Variants in MYO16 observed in about 807,000 individuals in gnomAD.
MYO16 encodes myosin XVI.
Under a neutral mutation model 205.3 loss-of-function variants are expected in MYO16, and 94 were observed. That is an observed-to-expected ratio of 0.46 (90% confidence interval 0.39 to 0.54). The LOEUF (loss-of-function observed/expected upper bound fraction) is 0.54. Among genes scored for constraint, MYO16 ranks in the 20% least tolerant of loss-of-function variants. The pLI is 0.00. For synonymous variants in MYO16, 988 were observed against 954.0 expected, an observed-to-expected ratio of 1.04 and a Z score of -0.66; for missense variants, 2,315 against 2,387.5, an observed-to-expected ratio of 0.97 and a Z score of 0.63.
chr13:109,068,795 T>G (rs1350661512), intron 27 of MYO16, among the ~76,000 whole-genome samples: 1 of 152,170 alleles, frequency 6.6e-6, no homozygotes, highest in African/African-American at 2.4e-5. Context: ...TTCACCATGT[T>G]GGTCAGGCTG....
the MYO16 span, among the ~76,000 whole-genome samples, chr13:108,534,376 A>G: frequency 6.6e-6 from 1 of 152,080 alleles, no homozygotes; most frequent in Non-Finnish European, 1.5e-5. Flanking sequence ...CATAATATTC[A>G]TTAGCCCCAG....
At chr13:108,858,475 T>C (rs1194033897) in intron 11 of MYO16, among the ~76,000 whole-genome samples, 6 of 152,180 alleles carry the variant, frequency 3.9e-5, no homozygotes, top group African/African-American at 1.2e-4. Context: ...TTGTCACTTC[T>C]TGGGCCAATG....
At chr13:109,200,718 A>C (rs532861493) in intron 34 of MYO16, among the ~76,000 whole-genome samples, 1 of 151,114 alleles carries the variant, frequency 6.6e-6, no homozygotes, top group South Asian at 2.1e-4. Flanking sequence ...CCTTCCCGAC[A>C]AGCCTAATTC....
At chr13:108,990,977 G>A (rs1162365081) in intron 20 of MYO16, among the ~76,000 whole-genome samples, 1 of 152,100 alleles carries the variant, frequency 6.6e-6, no homozygotes, top group Non-Finnish European at 1.5e-5. Context: ...ACAATTTAAC[G>A]ACCAATCAAA....
intron 16 of MYO16, among the ~76,000 whole-genome samples, chr13:108,927,251 T>C (rs903037714): frequency 3.9e-5 from 6 of 152,212 alleles, no homozygotes; most frequent in South Asian, 2.1e-4. Context: ...TAATGCATTA[T>C]ATTTGCATTT....
intron 34 of MYO16, among the ~76,000 whole-genome samples, chr13:109,185,508 C>A (rs1879649686): frequency 6.6e-6 from 1 of 151,952 alleles, no homozygotes; most frequent in Non-Finnish European, 1.5e-5. Context: ...AGATGCTATC[C>A]AAAATATGGA....
chr13:109,060,231 A>C (rs1887546072), intron 27 of MYO16, among the ~76,000 whole-genome samples: 1 of 152,214 alleles, frequency 6.6e-6, no homozygotes. Flanking sequence ...GACTGGAACC[A>C]ACCCAAATGC....
chr13:108,582,185 G>A, the MYO16 span, among the ~76,000 whole-genome samples: 1 of 151,822 alleles, frequency 6.6e-6, no homozygotes, highest in Admixed American at 6.6e-5. Flanking sequence ...TTGATTTTTG[G>A]GACCTTCTCT....
intron 33 of MYO16, among the ~76,000 whole-genome samples, chr13:109,175,283 AG>A (rs1218329036): frequency 6.6e-6 from 1 of 152,150 alleles, no homozygotes; most frequent in Non-Finnish European, 1.5e-5. Context: ...TCAGGAGGAG[AG>A]GGAGAACAGA....
At chr13:108,883,236 T>G in intron 13 of MYO16, 50 bp downstream of exon 13, 1 of 1,592,360 alleles carries the variant, frequency 6.3e-7, no homozygotes, top group Non-Finnish European at 8.6e-7. Context: ...CCACGGGGCT[T>G]GGCAGTAAAG....
intron 16 of MYO16, among the ~76,000 whole-genome samples, chr13:108,910,731 A>G (rs572713818): frequency 4.6e-5 from 7 of 152,206 alleles, no homozygotes; most frequent in Non-Finnish European, 7.3e-5. Context: ...TCTCTGCCAC[A>G]GGGATGGGTC....
At chr13:109,160,522 A>G (rs916601114) in intron 32 of MYO16, among the ~76,000 whole-genome samples, 1 of 152,140 alleles carries the variant, frequency 6.6e-6, no homozygotes, top group Non-Finnish European at 1.5e-5. Flanking sequence ...CAGGTGTCCA[A>G]ACCAACCCGT....
At position 108,748,990 on chromosome 13, in the gene MYO16, T is replaced by G. The variant is rs538798499; in HGVS notation, c.507+21407T>G. Among the ~76,000 whole-genome samples, 114 of 152,080 alleles carry G rather than the reference T, an allele frequency of 7.5e-4. 1 individual carries two copies. Among genetic ancestry groups the G allele is most frequent in the Middle Eastern group, 3.4e-3 (1 of 294 alleles). ...AAAATTGATAAGTTGGACTATGATA[T>G]GTAAAACAAGTATCTGATAATACTC... On this transcript the variant is annotated intron_variant, in intron 4 of 34. Transcript: ENST00000457511.
intron 16 of MYO16, among the ~76,000 whole-genome samples, chr13:108,911,056 C>CAG (rs1881236895): frequency 1.5e-5 from 2 of 133,876 alleles, no homozygotes; most frequent in African/African-American, 5.3e-5. Context: ...CACACACACA[C>CAG]ACACACACAC....
chr13:109,184,648 G>A (rs1354311791), intron 34 of MYO16, among the ~76,000 whole-genome samples: 1 of 152,152 alleles, frequency 6.6e-6, no homozygotes, highest in African/African-American at 2.4e-5. Flanking sequence ...CCAGGCTGGA[G>A]TTCAGTGGCG....
intron 16 of MYO16, among the ~76,000 whole-genome samples, chr13:108,936,296 T>G (rs1882488719): frequency 6.6e-6 from 1 of 152,130 alleles, no homozygotes; most frequent in Non-Finnish European, 1.5e-5. Flanking sequence ...TTAGAATTGA[T>G]ACCAGCTCTT....
chr13:108,700,743 C>A (rs1258064745), intron 2 of MYO16, among the ~76,000 whole-genome samples: 3 of 152,258 alleles, frequency 2.0e-5, no homozygotes, highest in South Asian at 2.1e-4. Context: ...AAACAGGAAG[C>A]TGGCCAAAAA....
At chr13:108,714,119 C>G (rs1883833095) in intron 3 of MYO16, among the ~76,000 whole-genome samples, 1 of 152,120 alleles carries the variant, frequency 6.6e-6, no homozygotes, top group Non-Finnish European at 1.5e-5. Flanking sequence ...TGCAGTGGTG[C>G]AATCTCGGCT....
intron 16 of MYO16, among the ~76,000 whole-genome samples, chr13:108,922,049 C>A (rs1881767815): frequency 6.6e-6 from 1 of 152,158 alleles, no homozygotes; most frequent in Non-Finnish European, 1.5e-5. Context: ...TAAGTGGGGT[C>A]TGGTCTTGCT....
Sources: allele counts gnomAD v4.1 joint callset (sites outside exome capture counted in the v4.1 genomes callset), GRCh38; gene constraint gnomAD v4.1.1; transcripts MANE v1.5; gene names NCBI Gene and HGNC (gene_info 2026-07-23, HGNC 2026-07-21).